NGEF: variants seen among roughly 807,000 people sequenced by gnomAD.
The protein encoded by NGEF is ephexin-1.
Under a neutral mutation model 80.9 loss-of-function variants are expected in NGEF, and 31 were observed. The observed-to-expected ratio is 0.38, with a 90% confidence interval of 0.29 to 0.52. The LOEUF (loss-of-function observed/expected upper bound fraction) is 0.52. Ranked by LOEUF, NGEF falls within the 20% of genes least tolerant of loss-of-function variation. NGEF has a pLI of 0.84. For missense variants in NGEF, 709 were observed against 926.2 expected, an observed-to-expected ratio of 0.77 and a Z score of 3.04; for synonymous variants, 371 against 370.2, an observed-to-expected ratio of 1.00 and a Z score of -0.03.
intron 1 of NGEF, among the ~76,000 whole-genome samples, chr2:233,005,813 A>ATTTGT (rs1242091034): frequency 6.6e-6 from 1 of 151,590 alleles, no homozygotes; most frequent in Non-Finnish European, 1.5e-5. Context: ...TTGTTTTTTG[A>ATTTGT]TTTGTTTTGT....
chr2:233,011,400 G>T (rs1695199906), intron 1 of NGEF, among the ~76,000 whole-genome samples: 1 of 152,080 alleles, frequency 6.6e-6, no homozygotes, highest in Non-Finnish European at 1.5e-5. Flanking sequence ...GTCCGACTTG[G>T]TGCTGGTGGC....
chr2:232,894,088 T>C (rs1691977974), intron 6 of NGEF, among the ~76,000 whole-genome samples: 1 of 152,252 alleles, frequency 6.6e-6, no homozygotes, highest in South Asian at 2.1e-4. Context: ...ATGTGGCTTC[T>C]GGCTGCAAAA....
At chr2:232,964,727 G>T (rs558769095) in intron 3 of NGEF, among the ~76,000 whole-genome samples, 50 of 152,256 alleles carry the variant, frequency 3.3e-4, no homozygotes, top group African/African-American at 1.2e-3. Flanking sequence ...GAACAATCTG[G>T]TACACATATA....
intron 3 of NGEF, among the ~76,000 whole-genome samples, chr2:232,950,887 T>C (rs891198783): frequency 6.6e-6 from 1 of 152,100 alleles, no homozygotes. Flanking sequence ...AAAAAAAACA[T>C]GGAAGGGGAA....
chr2:232,997,989 TGCCACCTGCA>T (rs1156545232), intron 1 of NGEF, among the ~76,000 whole-genome samples: 1 of 152,218 alleles, frequency 6.6e-6, no homozygotes, highest in African/African-American at 2.4e-5. Context: ...GGGTGGCTTC[TGCCACCTGCA>T]GCCCCTCTCT....
chr2:232,920,507 T>G lies in NGEF; in HGVS notation c.605A>C (p.Glu202Ala), dbSNP rs868438355. ...ETRRQQDAEI[E>A]DNTNGSPASE... ...GGCCGGGGACCCATTGGTATTGTCT[T>G]CTATTTCTGCATCCTGTTGCCTCCT... Residue 202 changes from glutamate (E) to alanine (A), a missense_variant, in exon 5 of 15, where the codon GAA (glutamate) becomes GCA (alanine). Physicochemically the swap from Glu to Ala is moderately radical, Grantham distance 107 (BLOSUM62 -1). This residue lies in a region of NGEF where 283 missense variants were observed against 303.4 expected (regional missense o/e 0.93). Transcript: ENST00000264051. The G allele has an allele frequency of 2.6e-5, 42 of 1,593,732 alleles. 1 individual carries two copies. In the Middle Eastern group the frequency reaches 2.8e-3, roughly 108 times the overall value.
Position 232,892,741 on chromosome 2 carries a change from C to G in NGEF, c.1142+157G>C, listed in dbSNP as rs753535926. 3.3e-5 allele frequency among the ~76,000 whole-genome samples: 5 copies of G among 152,142 alleles called. No homozygotes were observed. Among genetic ancestry groups the G allele is most frequent in the African/African-American group, 7.2e-5 (3 of 41,422 alleles). ...AACGTGCTGGGTTGGGACACTGTCA[C>G]CAGTATCCCTGGCCAACTCCGGTGG... is the stretch of plus-strand genomic sequence containing the variant. On this transcript the variant is annotated intron_variant, in intron 7 of 14. Coordinates refer to ENST00000264051, the MANE Select transcript of NGEF (RefSeq NM_019850.3). This position sits in a 1 kb window ranked among gnomAD's most constrained non-coding sequence, Gnocchi z 4.0.
chr2:232,921,512 T>G (rs1322137833), intron 4 of NGEF, among the ~76,000 whole-genome samples: 2 of 152,144 alleles, frequency 1.3e-5, no homozygotes, highest in Non-Finnish European at 2.9e-5. Context: ...AGGGCAGTGG[T>G]GCAATCATAG....
intron 3 of NGEF, among the ~76,000 whole-genome samples, chr2:232,964,755 T>C (rs2106316610): frequency 6.6e-6 from 1 of 152,312 alleles, no homozygotes; most frequent in Non-Finnish European, 1.5e-5. Flanking sequence ...ATTTCAAAAA[T>C]ATTATGTTGA....
At chr2:232,957,804 C>G (rs1184504771) in intron 3 of NGEF, among the ~76,000 whole-genome samples, 1 of 152,212 alleles carries the variant, frequency 6.6e-6, no homozygotes, top group Non-Finnish European at 1.5e-5. Context: ...AGTGTCACAC[C>G]TAGAACCACC....
At chr2:232,941,867 A>T (rs1693443735) in intron 3 of NGEF, among the ~76,000 whole-genome samples, 1 of 152,204 alleles carries the variant, frequency 6.6e-6, no homozygotes, top group African/African-American at 2.4e-5. Flanking sequence ...TTTTACAGTA[A>T]ATTACTTCTT....
intron 1 of NGEF, among the ~76,000 whole-genome samples, chr2:233,009,690 T>C (rs890734327): frequency 4.0e-5 from 6 of 151,416 alleles, no homozygotes; most frequent in African/African-American, 1.5e-4. Context: ...GCTTCTAGCT[T>C]TGGGAGACAT....
chr2:232,944,533 A>C (rs4973577), intron 3 of NGEF, among the ~76,000 whole-genome samples: 91,367 of 151,036 alleles, frequency 0.6, 27,841 homozygotes, highest in South Asian at 0.68. Flanking sequence ...TGATTTCCCA[A>C]ATTCAGTGAG....
chr2:232,880,412 TG>T (rs1345274333), intron 14 of NGEF, among the ~76,000 whole-genome samples: 1 of 152,008 alleles, frequency 6.6e-6, no homozygotes, highest in African/African-American at 2.4e-5. Flanking sequence ...TTATATTCCA[TG>T]GGAAGAGGGC....
At chr2:232,885,849 ATAAATGAGCACCATGT>A (rs1691661465) in intron 9 of NGEF, among the ~76,000 whole-genome samples, 1 of 152,274 alleles carries the variant, frequency 6.6e-6, no homozygotes, top group Non-Finnish European at 1.5e-5. Context: ...CTCAGGGCAC[ATAAATGAGCACCATGT>A]CCAGGGAAGT....
chr2:232,883,567 G>A (rs1335555106), intron 11 of NGEF, 101 bp from the exon 12 acceptor site: 18 of 1,199,988 alleles, frequency 1.5e-5, no homozygotes, highest in Non-Finnish European at 2.0e-5. Context: ...GCTCCACAGC[G>A]CTGGCTGATC....
chr2:232,892,812 C>T lies in NGEF; in HGVS notation c.1142+86G>A, dbSNP rs1691924538. The T allele has an allele frequency of 2.1e-6, 3 of 1,422,240 alleles. No individual in the cohort carries two copies. The highest frequency in any genetic ancestry group is 2.9e-6 in the Non-Finnish European group (3 of 1,030,728). 88.1% of individuals were successfully genotyped at this position (1,422,240 alleles called of 1,614,324 possible). ...GCAGAGGTAAAGGACCATGAAGTGT[C>T]ACCGTGTAAGGAGCCTGGGCCAGCA... On this transcript the variant is annotated intron_variant, in intron 7 of 14. Transcript: ENST00000264051. This position sits in a 1 kb window ranked among gnomAD's most constrained non-coding sequence, Gnocchi z 4.0.
chr2:232,977,274 G>A lies in NGEF; in HGVS notation c.-74-2310C>T, dbSNP rs149957822. The stretch of plus-strand genomic sequence containing the variant: ...GCTGCAAGGACGGGCAGAGACTCGG[G>A]AGGGACGAGGTCACCATTGTCACCC... On this transcript the variant is annotated intron_variant, in intron 1 of 14. Coordinates refer to ENST00000264051, the MANE Select transcript of NGEF (RefSeq NM_019850.3). Among the ~76,000 whole-genome samples, 966 of 152,306 alleles carry A rather than the reference G, an allele frequency of 6.3e-3. 6 individuals are homozygous for A. Among genetic ancestry groups the A allele is most frequent in the African/African-American group, 0.022 (919 of 41,556 alleles).
intron 1 of NGEF, among the ~76,000 whole-genome samples, chr2:232,982,187 T>G (rs987885571): frequency 5.9e-5 from 9 of 152,060 alleles, no homozygotes; most frequent in Admixed American, 4.6e-4. Context: ...GCCCAGCAGG[T>G]GACACTGAAA....
Sources: gnomAD v4.1 joint callset for allele counts (sites outside exome capture counted in the v4.1 genomes callset) on GRCh38, gnomAD v4.1.1 for gene constraint, gnomAD v4.1.1 regional missense constraint, Gnocchi (gnomAD v3.1) non-coding constraint, MANE v1.5 for transcripts, NCBI Gene and HGNC (gene_info 2026-07-23, HGNC 2026-07-21) for gene names.